Variants in NDUFA10 observed in about 807,000 individuals in gnomAD.
NDUFA10 encodes NADH dehydrogenase [ubiquinone] 1 alpha subcomplex subunit 10, mitochondrial.
Under a neutral mutation model 47.8 loss-of-function variants are expected in NDUFA10, and 40 were observed. That is an observed-to-expected ratio of 0.84 (90% CI 0.65 to 1.09). The LOEUF (loss-of-function observed/expected upper bound fraction) is 1.09. Among genes scored for constraint, NDUFA10 ranks in the 50% least tolerant of loss-of-function variants. The pLI is 0.00. For synonymous variants in NDUFA10, 183 were observed against 172.2 expected, an observed-to-expected ratio of 1.06 and a Z score of -0.49; for missense variants, 413 against 451.1, an observed-to-expected ratio of 0.92 and a Z score of 0.76.
chr2:239,893,290 G>A (rs1045310070), intron 5 of NDUFA10, among the ~76,000 whole-genome samples: 2 of 152,098 alleles, frequency 1.3e-5, no homozygotes, highest in African/African-American at 4.8e-5. Context: ...TGCACAGAAG[G>A]GCTCTGATTG....
downstream of NDUFA10, among the ~76,000 whole-genome samples, chr2:239,953,702 C>T (rs1402137102): frequency 1.3e-5 from 2 of 152,106 alleles, no homozygotes; most frequent in Non-Finnish European, 2.9e-5. Context: ...GCACCGCGAA[C>T]GTAAGTAGCG....
chr2:239,961,944 G>A (rs537876486), intron 9 of NDUFA10, among the ~76,000 whole-genome samples: 6 of 152,270 alleles, frequency 3.9e-5, no homozygotes, highest in South Asian at 2.1e-4. Flanking sequence ...CTCAGGTGGC[G>A]GTCCACAGAG....
At chr2:239,982,197 C>T (rs773155622) in intron 9 of NDUFA10, 20 of 1,612,868 alleles carry the variant, frequency 1.2e-5, no homozygotes, top group African/African-American at 1.3e-5. Context: ...CTGCACAGCC[C>T]GCTGCGGGTA....
rs980893132 is a variant in NDUFA10, at chr2:240,025,239, G to C, written c.63C>G (p.Gly21=). The change falls in exon 1 of 10, where the codon GGC becomes GGG. Residue 21 remains glycine (G), a synonymous_variant. Coordinates refer to ENST00000252711, the MANE Select transcript of NDUFA10 (RefSeq NM_004544.4). ...GCCGCCCGCTCACCACGCGCTGGGC[G>C]CCCGCCGCCACGACCCGGGCGGACG... is the stretch of plus-strand genomic sequence containing the variant. ...TSASARVVAA[G]AQRVRGIHSS... 9.6e-6 allele frequency: 14 copies of C among 1,452,102 alleles called. No individual in the cohort carries two copies. The highest frequency in any genetic ancestry group is 1.3e-5 in the Non-Finnish European group (14 of 1,105,072). The allele number at this position is 1,452,102 out of a possible 1,614,324, so 90.0% of individuals were successfully genotyped here.
intron 4 of NDUFA10, among the ~76,000 whole-genome samples, chr2:239,926,707 C>T (rs1247494239): frequency 6.6e-6 from 1 of 152,082 alleles, no homozygotes; most frequent in Non-Finnish European, 1.5e-5. Context: ...AGAACAATTC[C>T]ATGTGTGCTA....
At chr2:239,969,089 C>T (rs778540705) in intron 9 of NDUFA10, among the ~76,000 whole-genome samples, 7 of 152,136 alleles carry the variant, frequency 4.6e-5, no homozygotes, top group East Asian at 1.9e-4. Flanking sequence ...AAATTTGCAA[C>T]GTATGGCAAA....
intron 5 of NDUFA10, chr2:240,014,495 C>T (rs1232277609): frequency 7.4e-6 from 4 of 538,184 alleles, no homozygotes; most frequent in East Asian, 3.5e-5. Flanking sequence ...TGAGGGGACT[C>T]GGGGACCACA....
chr2:239,920,424 G>A (rs1693950276), intron 4 of NDUFA10, among the ~76,000 whole-genome samples: 1 of 152,222 alleles, frequency 6.6e-6, no homozygotes, highest in South Asian at 2.1e-4. Context: ...AGATCCTGGA[G>A]GCTGAGGCCC....
chr2:239,951,102 G>A lies in NDUFA10; in HGVS notation c.294+38972C>T, dbSNP rs111422959. ...CCCTAAAACAATGCTGACACTTCCCGTTTCAGTCTCATCTCTGAGTCTGGA... is the reference window on the plus strand; with the variant it reads ...CCCTAAAACAATGCTGACACTTCCCATTTCAGTCTCATCTCTGAGTCTGGA... On this transcript the variant is annotated intron_variant, in intron 4 of 5. Transcript: ENST00000419408. Among the ~76,000 whole-genome samples the A allele has an allele frequency of 4.9e-3, 741 of 152,286 alleles. 5 individuals carry two copies. Among genetic ancestry groups the A allele is most frequent in the African/African-American group, 0.016 (682 of 41,564 alleles).
chr2:239,936,266 T>C (rs1280847017), intron 4 of NDUFA10, among the ~76,000 whole-genome samples: 1 of 152,168 alleles, frequency 6.6e-6, no homozygotes, highest in East Asian at 1.9e-4. Flanking sequence ...CTGCTGGCTT[T>C]CCTCAGGATG....
intron 8 of NDUFA10, among the ~76,000 whole-genome samples, chr2:240,004,649 C>CTCTCCTAGTCCTCCTCCATT (rs1696874941): frequency 6.6e-6 from 1 of 151,980 alleles, no homozygotes; most frequent in African/African-American, 2.4e-5. Context: ...GCCTCCCCTC[C>CTCTCCTAGTCCTCCTCCATT]CCACACTTTT....
Position 239,959,221 on chromosome 2 carries a change from C to A in NDUFA10, c.*1897G>T. On this transcript the variant is annotated 3_prime_UTR_variant, in exon 10 of 10. Transcript: ENST00000252711. Reference sequence around the variant, plus strand: ...GCAAACACAGGGGATGATCAGAGCACCCGAGTCCACACCATGCCGACACGG... The same window carrying A: ...GCAAACACAGGGGATGATCAGAGCAACCGAGTCCACACCATGCCGACACGG... 1 of 985,244 alleles carries A rather than the reference C, an allele frequency of 1.0e-6. No homozygotes were observed. Among genetic ancestry groups the A allele is most frequent in the Non-Finnish European group, 1.2e-6 (1 of 829,800 alleles). The allele number at this position is 985,244 out of a possible 1,614,324, so 61.0% of individuals were successfully genotyped here.
At chr2:239,968,567 T>C (rs11887340) in intron 9 of NDUFA10, among the ~76,000 whole-genome samples, 2,030 of 152,270 alleles carry the variant, frequency 0.013, 43 homozygotes, top group African/African-American at 0.046. Context: ...CTGGAGAAAC[T>C]GAGTCTGGTG....
chr2:239,994,388 T>C (rs1696382971), intron 8 of NDUFA10, among the ~76,000 whole-genome samples: 1 of 151,864 alleles, frequency 6.6e-6, no homozygotes, highest in Non-Finnish European at 1.5e-5. Flanking sequence ...GAACTGTGCA[T>C]ACAAGGGATC....
chr2:239,934,914 C>A (rs1185650068), intron 4 of NDUFA10, among the ~76,000 whole-genome samples: 2 of 152,238 alleles, frequency 1.3e-5, no homozygotes, highest in East Asian at 1.9e-4. Flanking sequence ...CAAGCTCCCA[C>A]TGGGGCCTAG....
chr2:240,024,302 C>T (rs1450880694), intron 1 of NDUFA10, among the ~76,000 whole-genome samples: 1 of 152,180 alleles, frequency 6.6e-6, no homozygotes, highest in Non-Finnish European at 1.5e-5. Flanking sequence ...AAATGAGTTA[C>T]CAAGCCACGA....
intron 9 of NDUFA10, among the ~76,000 whole-genome samples, chr2:239,962,596 G>C (rs1022364546): frequency 6.6e-6 from 1 of 152,194 alleles, no homozygotes; most frequent in African/African-American, 2.4e-5. Flanking sequence ...GGAAGTGGAG[G>C]GGCCGGTGCT....
chr2:239,938,329 C>T lies in NDUFA10; in HGVS notation c.295-43015G>A, dbSNP rs371288377. 1.8e-4 allele frequency among the ~76,000 whole-genome samples: 27 copies of T among 152,368 alleles called. No homozygotes were observed. The South Asian group carries it at 4.4e-3, about 25-fold the overall frequency. The stretch of plus-strand genomic sequence containing the variant: ...GGCCGTCCCACACCTCCCGCCACTC[C>T]GCATGCTGCACAGGCCCCCCTGAGG... On this transcript the variant is annotated intron_variant, in intron 4 of 5. Coordinates refer to the NDUFA10 transcript ENST00000419408.
At chr2:239,971,840 A>G (rs1383212098) in intron 9 of NDUFA10, among the ~76,000 whole-genome samples, 2 of 152,154 alleles carry the variant, frequency 1.3e-5, no homozygotes, top group Non-Finnish European at 2.9e-5. Context: ...ATCACATACT[A>G]CTTATACGAG....
Sources: allele counts gnomAD v4.1 joint callset (sites outside exome capture counted in the v4.1 genomes callset), GRCh38; gene constraint gnomAD v4.1.1; transcripts MANE v1.5; gene names NCBI Gene and HGNC (gene_info 2026-07-23, HGNC 2026-07-21).